CFI: variants seen among roughly 807,000 people sequenced by gnomAD.
CFI encodes complement factor I, also known as C3B/C4B inactivator.
CFI carries 66 observed loss-of-function variants against 78.8 expected under a neutral mutation model. The ratio of observed to expected loss-of-function variants is 0.84; its 90% CI spans 0.69 to 1.03. CFI has a LOEUF of 1.03. Ranked by LOEUF, CFI falls within the 50% of genes least tolerant of loss-of-function variation. CFI has a pLI of 0.00. For synonymous variants in CFI, 250 were observed against 232.6 expected, an observed-to-expected ratio of 1.07 and a Z score of -0.68; for missense variants, 706 against 704.5, an observed-to-expected ratio of 1.00 and a Z score of -0.02.
chr4:109,800,321 G>GTTTTTT (rs554145445), intron 1 of CFI, among the ~76,000 whole-genome samples: 1 of 48,808 alleles, frequency 2.0e-5, no homozygotes, highest in Non-Finnish European at 3.5e-5. Context: ...TGGCTTCTCT[G>GTTTTTT]TTTTTTTTTT....
chr4:109,760,899 A>G (rs1318267947), intron 4 of CFI, among the ~76,000 whole-genome samples: 1 of 152,214 alleles, frequency 6.6e-6, no homozygotes, highest in Non-Finnish European at 1.5e-5. Flanking sequence ...AGGAATCAAG[A>G]GTACGTGCTG....
chr4:109,778,436 G>C (rs1368940624), intron 1 of CFI, among the ~76,000 whole-genome samples: 1 of 151,976 alleles, frequency 6.6e-6, no homozygotes, highest in Non-Finnish European at 1.5e-5. Flanking sequence ...ACTACAAAGA[G>C]GTTGAATCCC....
rs764347930 is a variant in CFI at position 109,741,098 on chromosome 4, C to A, written c.1547G>T (p.Gly516Val). 3.1e-6 allele frequency: 5 copies of A among 1,614,054 alleles called. No individual in the cohort carries two copies. In the East Asian group the frequency reaches 8.9e-5, roughly 29 times the overall value. The change falls in exon 13 of 13, where the codon GGT becomes GTT. Residue 516 changes from glycine (G) to valine (V), a missense_variant. Physicochemically the swap from Gly to Val is moderately radical, Grantham distance 109. Transcript: ENST00000394634. ...KEMECAGTYD[G>V]SIDACKGDSG... The stretch of plus-strand genomic sequence containing the variant: ...GTCCCCTTTACAGGCATCGATGGAA[C>A]CATCATATGTACCTAAGAAAGAAAT...
chr4:109,788,960 G>T (rs1244325898), intron 1 of CFI, among the ~76,000 whole-genome samples: 1 of 151,718 alleles, frequency 6.6e-6, no homozygotes, highest in Non-Finnish European at 1.5e-5. Context: ...AACATTACTA[G>T]GCAAGGAGAT....
intron 10 of CFI, 136 bp downstream of exon 10, chr4:109,749,082 A>T: frequency 1.2e-6 from 1 of 859,088 alleles, no homozygotes; most frequent in Non-Finnish European, 2.0e-6. Context: ...AGTCGCGAAT[A>T]CCAGAGGATA....
At chr4:109,742,348 G>GA (rs1723902310) in intron 12 of CFI, 143 bp downstream of exon 12, 1 of 691,384 alleles carries the variant, frequency 1.4e-6, no homozygotes, top group Admixed American at 2.1e-5. Context: ...GGAAGGGACT[G>GA]AAAGAGTTTG....
In CFI at chr4:109,746,478, T is replaced by A. The variant is rs897286651; in HGVS notation, c.1173A>T (p.Gln391His). 1.9e-6 allele frequency: 3 copies of A among 1,612,704 alleles called. No homozygotes were observed. Among genetic ancestry groups the A allele is most frequent in the Non-Finnish European group, 1.7e-6 (2 of 1,179,466 alleles). The change falls in exon 11 of 13, where the codon CAA (glutamine) becomes CAT (histidine). Residue 391 changes from glutamine (Q) to histidine (H), a missense_variant. By Grantham distance (24) the Gln-to-His change is conservative. Coordinates refer to ENST00000394634, the MANE Select transcript of CFI (RefSeq NM_000204.5). ...TCCAGTCTACTACTGTTGTCCATAT[T>A]TGGTAACGATGAGTTTTACTGGCTC... is the stretch of plus-strand genomic sequence containing the variant. ...CLRASKTHRY[Q>H]IWTTVVDWIH...
Position 109,740,742 on chromosome 4 carries a change from A to G in CFI, c.*151T>C, listed in dbSNP as rs1723682047. ...TTGAGAATTATACAACAAAATTCCAATATGGCATAAACTCTGTGGAGACCT... is the reference window on the plus strand; with the variant it reads ...TTGAGAATTATACAACAAAATTCCAGTATGGCATAAACTCTGTGGAGACCT... On this transcript the variant is annotated 3_prime_UTR_variant, in exon 13 of 13. Coordinates refer to ENST00000394634, the MANE Select transcript of CFI (RefSeq NM_000204.5). 1.3e-6 allele frequency: 1 copy of G among 761,948 alleles called. No homozygotes were observed. The highest frequency in any genetic ancestry group is 1.7e-5 in the African/African-American group (1 of 57,786). The allele number at this position is 761,948 out of a possible 1,614,324, so 47.2% of individuals were successfully genotyped here.
intron 1 of CFI, among the ~76,000 whole-genome samples, chr4:109,773,533 ATTG>A (rs1728848165): frequency 6.6e-6 from 1 of 152,034 alleles, no homozygotes; most frequent in Non-Finnish European, 1.5e-5. Context: ...ACAAACATAA[ATTG>A]TTGTGTTTTA....
chr4:109,773,999 G>A (rs1728914077), intron 1 of CFI, among the ~76,000 whole-genome samples: 1 of 152,200 alleles, frequency 6.6e-6, no homozygotes, highest in Admixed American at 6.5e-5. Context: ...TGGGATATAT[G>A]AAAGAATCAG....
At chr4:109,739,392 T>C (rs182643494), downstream of CFI, among the ~76,000 whole-genome samples, 2 of 152,128 alleles carry the variant, frequency 1.3e-5, no homozygotes, top group Admixed American at 6.5e-5. Context: ...ATGTGTCTTA[T>C]GTTGTAGTTG....
intron 7 of CFI, among the ~76,000 whole-genome samples, chr4:109,756,327 G>A (rs1726135005): frequency 6.6e-6 from 1 of 151,060 alleles, no homozygotes. Flanking sequence ...GAGGAGGGAG[G>A]GAGGGAAAAA....
chr4:109,774,856 C>T (rs184199363), intron 1 of CFI, among the ~76,000 whole-genome samples: 2 of 152,168 alleles, frequency 1.3e-5, no homozygotes, highest in Non-Finnish European at 2.9e-5. Flanking sequence ...ATAGTTTGTT[C>T]TTATTTCTCT....
intron 8 of CFI, among the ~76,000 whole-genome samples, chr4:109,750,121 C>G (rs1178665133): frequency 6.6e-6 from 1 of 152,006 alleles, no homozygotes; most frequent in Non-Finnish European, 1.5e-5. Context: ...CTCAGCCTCC[C>G]AAGTAGCTGG....
the CFI span, among the ~76,000 whole-genome samples, chr4:109,732,595 C>T: frequency 2.6e-5 from 4 of 152,118 alleles, no homozygotes; most frequent in South Asian, 2.1e-4. Flanking sequence ...CGGTGGCTCA[C>T]GCCTGTAATC....
chr4:109,767,491 CA>C (rs1727928200), intron 1 of CFI, among the ~76,000 whole-genome samples: 2 of 151,846 alleles, frequency 1.3e-5, no homozygotes, highest in South Asian at 4.2e-4. Context: ...AGACATTTCT[CA>C]AAAGAAGACA....
At chr4:109,734,273 A>G in the CFI span, among the ~76,000 whole-genome samples, 1 of 152,202 alleles carries the variant, frequency 6.6e-6, no homozygotes, top group Admixed American at 6.5e-5. Flanking sequence ...AGGTCAAGGA[A>G]AAAAGAACAA....
At chr4:109,757,101 T>C (rs1275877475) in intron 7 of CFI, among the ~76,000 whole-genome samples, 2 of 151,392 alleles carry the variant, frequency 1.3e-5, no homozygotes, top group African/African-American at 4.8e-5. Flanking sequence ...CGGTCTCGGC[T>C]CACTGCAAGC....
chr4:109,758,810 A>T (rs1561299738), intron 6 of CFI, among the ~76,000 whole-genome samples: 2 of 152,332 alleles, frequency 1.3e-5, no homozygotes, highest in East Asian at 3.9e-4. Context: ...TTCTTGCCTA[A>T]GGCCGGGCAC....
Sources: allele counts gnomAD v4.1 joint callset (sites outside exome capture counted in the v4.1 genomes callset), GRCh38; gene constraint gnomAD v4.1.1; transcripts MANE v1.5; gene names NCBI Gene and HGNC (gene_info 2026-07-23, HGNC 2026-07-21).